LDB3: variants seen among roughly 807,000 people sequenced by gnomAD.
The protein encoded by LDB3 is LIM domain-binding protein 3.
In LDB3, 49 loss-of-function variants were observed where a neutral mutation model predicts 69.0. The observed-to-expected ratio is 0.71, with a 90% confidence interval of 0.56 to 0.90. LDB3 has a LOEUF of 0.90. Among genes scored for constraint, LDB3 ranks in the 40% least tolerant of loss-of-function variants. The pLI is 0.00. For synonymous variants in LDB3, 387 were observed against 396.2 expected (o/e 0.98, Z 0.28); for missense variants, 928 against 974.1 (o/e 0.95, Z 0.63).
At chr10:86,675,387 T>C (rs1844738825) in intron 2 of LDB3, among the ~76,000 whole-genome samples, 1 of 152,370 alleles carries the variant, frequency 6.6e-6, no homozygotes, top group Middle Eastern at 3.4e-3. Flanking sequence ...TTGGATATCA[T>C]TCTGTTGCCC....
intron 5 of LDB3, among the ~76,000 whole-genome samples, chr10:86,684,817 C>G (rs960931996): frequency 2.0e-5 from 3 of 152,230 alleles, no homozygotes; most frequent in African/African-American, 7.2e-5. Context: ...CACAGGCCCC[C>G]GACAGGGCTG....
chr10:86,699,494 C>G lies in LDB3; in HGVS notation c.896+6923C>G, dbSNP rs1236210350. ...ACAATGTATAACTCTGCTGGGGGCA[C>G]CTCTGATGGCCAACCGCAGCATTTC... On this transcript the variant is annotated intron_variant, in intron 7 of 13. Coordinates refer to ENST00000361373, the MANE Select transcript of LDB3 (RefSeq NM_007078.3). The surrounding 1 kb of genome is among the most constrained non-coding windows in gnomAD (Gnocchi z 4.9). 6.4e-7 allele frequency: 1 copy of G among 1,551,060 alleles called. No individual in the cohort carries two copies. The highest frequency in any genetic ancestry group is 1.4e-5 in the African/African-American group (1 of 73,398).
intron 12 of LDB3, among the ~76,000 whole-genome samples, chr10:86,720,407 G>A (rs1391376871): frequency 6.6e-6 from 1 of 151,650 alleles, no homozygotes; most frequent in Admixed American, 6.6e-5. Context: ...TACTGCCGTT[G>A]CACTCCAGCC....
intron 9 of LDB3, among the ~76,000 whole-genome samples, chr10:86,715,491 C>G (rs1358131362): frequency 6.6e-6 from 1 of 152,164 alleles, no homozygotes; most frequent in Non-Finnish European, 1.5e-5. Context: ...TTTCTGCTCT[C>G]AGGGAGCTGG....
At chr10:86,716,857 G>A in intron 10 of LDB3, 86 bp downstream of exon 10, 2 of 1,420,494 alleles carry the variant, frequency 1.4e-6, no homozygotes, top group Non-Finnish European at 1.9e-6. Context: ...CTGGTTGGGA[G>A]AGATGGGGGT....
chr10:86,679,924 C>A (rs975389761), intron 3 of LDB3, among the ~76,000 whole-genome samples, 158 bp from the exon 4 acceptor site: 13 of 152,196 alleles, frequency 8.5e-5, no homozygotes, highest in African/African-American at 3.1e-4. Context: ...GGAGATCCAG[C>A]CCATGGGGTG....
chr10:86,710,265 T>C, intron 9 of LDB3: 5 of 985,294 alleles, frequency 5.1e-6, no homozygotes, highest in Non-Finnish European at 6.0e-6. Flanking sequence ...AAGCGGTGGA[T>C]GATTCTAAGG....
intron 2 of LDB3, among the ~76,000 whole-genome samples, chr10:86,669,612 G>A (rs1481805005): frequency 1.3e-5 from 2 of 152,226 alleles, no homozygotes; most frequent in African/African-American, 2.4e-5. Flanking sequence ...CCCCCAGACC[G>A]TAGTAGGCAC....
chr10:86,686,421 T>C lies in LDB3; in HGVS notation c.689+4618T>C, dbSNP rs541864868. On this transcript the variant is annotated intron_variant, in intron 5 of 13. Coordinates refer to ENST00000361373, the MANE Select transcript of LDB3 (RefSeq NM_007078.3). The stretch of plus-strand genomic sequence containing the variant: ...CCTGCGCTTCCCCTGCTGTGTGTAG[T>C]GGGAGATCTCTCTGTGCCTGGCAGC... Among the ~76,000 whole-genome samples the C allele has an allele frequency of 5.3e-5, 8 of 152,104 alleles. No homozygotes were observed. The South Asian group carries it at 1.5e-3, about 28-fold the overall frequency.
At chr10:86,676,349 G>A (rs1049604384) in intron 2 of LDB3, among the ~76,000 whole-genome samples, 31 of 152,086 alleles carry the variant, frequency 2.0e-4, no homozygotes, top group African/African-American at 7.2e-4. Context: ...AATCACTTGA[G>A]GTCAGGAGTT....
intron 5 of LDB3, among the ~76,000 whole-genome samples, chr10:86,687,835 G>T (rs1845570428): frequency 1.3e-5 from 2 of 152,236 alleles, no homozygotes; most frequent in African/African-American, 4.8e-5. Context: ...GACATCCTTG[G>T]TTCCTGGAAT....
In LDB3 at chr10:86,699,719, G is replaced by A. The variant is rs779605193; in HGVS notation, c.897-6812G>A. On this transcript the variant is annotated intron_variant, in intron 7 of 13. Coordinates refer to ENST00000361373, the MANE Select transcript of LDB3 (RefSeq NM_007078.3). The surrounding 1 kb of genome is among the most constrained non-coding windows in gnomAD (Gnocchi z 4.9). ...TAACACCCCAGAACCAAGGGAAATGGATGGGCCGCTGCTCAGTTTCCCACC... is the reference window on the plus strand; with the variant it reads ...TAACACCCCAGAACCAAGGGAAATGAATGGGCCGCTGCTCAGTTTCCCACC... The A allele has an allele frequency of 9.6e-6, 11 of 1,149,996 alleles. No individual in the cohort carries two copies. The highest frequency in any genetic ancestry group is 2.2e-6 in the Non-Finnish European group (2 of 925,380). The allele number at this position is 1,149,996 out of a possible 1,614,324, so 71.2% of individuals were successfully genotyped here. A position where few individuals can be genotyped will look rare whatever the true frequency, so the allele number is the denominator to read the frequency against.
upstream of LDB3, chr10:86,668,454 C>T (rs901759373): frequency 9.9e-6 from 6 of 604,264 alleles, no homozygotes; most frequent in African/African-American, 9.1e-5. Flanking sequence ...GGGTTACAGT[C>T]CATTTATGGG....
chr10:86,714,505 CT>C (rs1321903314), intron 9 of LDB3, among the ~76,000 whole-genome samples: 3 of 151,848 alleles, frequency 2.0e-5, no homozygotes, highest in African/African-American at 7.3e-5. Context: ...TGCTATGTGC[CT>C]CGTTACCCCT....
intron 2 of LDB3, among the ~76,000 whole-genome samples, chr10:86,670,858 T>A (rs1844434839): frequency 6.6e-6 from 1 of 152,064 alleles, no homozygotes; most frequent in Non-Finnish European, 1.5e-5. Context: ...CGGAGCCTCT[T>A]GAGAAATTTT....
At chr10:86,674,139 C>T (rs1293559002) in intron 2 of LDB3, among the ~76,000 whole-genome samples, 1 of 152,208 alleles carries the variant, frequency 6.6e-6, no homozygotes, top group East Asian at 1.9e-4. Context: ...GCCAGCCTCA[C>T]ACCTTCTGGG....
At chr10:86,722,178 A>G (rs1044655536) in intron 12 of LDB3, among the ~76,000 whole-genome samples, 1 of 152,260 alleles carries the variant, frequency 6.6e-6, no homozygotes, top group African/African-American at 2.4e-5. Flanking sequence ...TAATTCTCCA[A>G]ATCATATGGA....
chr10:86,718,848 G>A lies in LDB3; in HGVS notation c.1978+1G>A. ...GACGGGGAGCCCTACTGCGAGAAAG[G>A]TAGGAACACTTCGATGGCATGTGGG... On this transcript the variant is annotated splice_donor_variant, in intron 12 of 13. Coordinates refer to ENST00000361373, the MANE Select transcript of LDB3 (RefSeq NM_007078.3). LOFTEE classifies it high-confidence loss of function. The A allele has an allele frequency of 6.2e-7, 1 of 1,614,040 alleles. No homozygotes were observed. Among genetic ancestry groups the A allele is most frequent in the South Asian group, 1.1e-5 (1 of 91,076 alleles).
At chr10:86,727,685 CTA>C (rs1194696321) in intron 13 of LDB3, among the ~76,000 whole-genome samples, 1 of 152,204 alleles carries the variant, frequency 6.6e-6, no homozygotes, top group African/African-American at 2.4e-5. Context: ...CTCCGAGCTA[CTA>C]GCGGTTGCTA....
Sources: allele counts gnomAD v4.1 joint callset (sites outside exome capture counted in the v4.1 genomes callset), GRCh38; gene constraint gnomAD v4.1.1; non-coding constraint Gnocchi (gnomAD v3.1); transcripts MANE v1.5; gene names NCBI Gene and HGNC (gene_info 2026-07-23, HGNC 2026-07-21).